CNIH3: variants seen among roughly 807,000 people sequenced by gnomAD.
CNIH3 encodes protein cornichon homolog 3.
Under a neutral mutation model 24.1 loss-of-function variants are expected in CNIH3, and 14 were observed. The ratio of observed to expected loss-of-function variants is 0.58; its 90% confidence interval spans 0.38 to 0.91. The LOEUF is 0.91. Ranked by LOEUF, CNIH3 falls within the 40% of genes least tolerant of loss-of-function variation. The pLI is 0.00. For missense variants in CNIH3, 178 were observed against 196.8 expected (o/e 0.90, Z 0.57); for synonymous variants, 68 against 73.8 (o/e 0.92, Z 0.40).
intron 1 of CNIH3, among the ~76,000 whole-genome samples, chr1:224,655,631 GT>G (rs1399514408): frequency 5.3e-5 from 8 of 152,182 alleles, no homozygotes; most frequent in African/African-American, 1.9e-4. Flanking sequence ...CCACTTGTTT[GT>G]TCTCCAACTT....
chr1:224,535,150 C>T (rs1045108950), intron 2 of CNIH3, among the ~76,000 whole-genome samples: 2 of 152,194 alleles, frequency 1.3e-5, no homozygotes, highest in African/African-American at 4.8e-5. Flanking sequence ...GTCATTAGGG[C>T]AGGCCCTAAT....
rs1682196400 is a variant in CNIH3, at chr1:224,601,255, A to G, written n.402+34991A>G. 2.0e-5 allele frequency among the ~76,000 whole-genome samples: 3 copies of G among 152,172 alleles called. No individual in the cohort carries two copies. The South Asian group carries it at 6.2e-4, about 32-fold the overall frequency. ...CTTGGGTTGGGCTGTCCGCATGCTC[A>G]GTGGCCTGCCAGCACTTGGAAGGTG... On this transcript the variant is annotated intron_variant and non_coding_transcript_variant, in intron 3 of 7. Transcript: ENST00000478120.
intron 1 of CNIH3, among the ~76,000 whole-genome samples, chr1:224,677,202 G>A (rs1012941926): frequency 1.3e-5 from 2 of 152,166 alleles, no homozygotes; most frequent in Non-Finnish European, 2.9e-5. Context: ...ATGATAAAAA[G>A]CATGTGCAGC....
chr1:224,709,747 A>G (rs1251077180), intron 3 of CNIH3, among the ~76,000 whole-genome samples: 1 of 152,302 alleles, frequency 6.6e-6, no homozygotes, highest in East Asian at 1.9e-4. Context: ...TATGGGTTGA[A>G]GCAGGAATAC....
chr1:224,488,535 A>G (rs939961812), intron 1 of CNIH3, among the ~76,000 whole-genome samples: 17 of 152,166 alleles, frequency 1.1e-4, no homozygotes, highest in African/African-American at 3.4e-4. Flanking sequence ...ATCATAGCTC[A>G]TTATAGCCTC....
chr1:224,491,138 A>C (rs889023262), intron 1 of CNIH3, among the ~76,000 whole-genome samples: 2 of 152,208 alleles, frequency 1.3e-5, no homozygotes, highest in African/African-American at 4.8e-5. Flanking sequence ...AGTCCTTCTC[A>C]GGCCATATTT....
chr1:224,516,306 C>CT lies in CNIH3; in HGVS notation n.15+431dup, dbSNP rs1313538246. On this transcript the variant is annotated intron_variant and non_coding_transcript_variant, in intron 1 of 2. Transcript: ENST00000470602. ...TCCCGCCTGGCGACAAACCGAGACTCTGTCTCAAAAAAAAAAAAAAAAAAA... is the reference window on the plus strand; with the variant it reads ...TCCCGCCTGGCGACAAACCGAGACTCTTGTCTCAAAAAAAAAAAAAAAAAAA... Among the ~76,000 whole-genome samples, 3 of 115,528 alleles carry CT rather than the reference C, an allele frequency of 2.6e-5. No homozygotes were observed. The East Asian group carries it at 7.5e-4, about 29-fold the overall frequency. 75.8% of individuals were successfully genotyped at this position (115,528 alleles called of 152,430 possible).
intron 1 of CNIH3, among the ~76,000 whole-genome samples, chr1:224,622,033 C>G (rs1683308336): frequency 6.6e-6 from 1 of 152,210 alleles, no homozygotes. Flanking sequence ...TTTGCTCCTC[C>G]TTCACCTTCT....
At chr1:224,454,092 A>G (rs1237933136) in intron 1 of CNIH3, among the ~76,000 whole-genome samples, 2 of 152,216 alleles carry the variant, frequency 1.3e-5, no homozygotes, top group Non-Finnish European at 2.9e-5. Context: ...CTGAAATAAC[A>G]GCAAAACTGC....
chr1:224,547,029 G>A, intron 3 of CNIH3: 1 of 338,002 alleles, frequency 3.0e-6, no homozygotes, highest in Non-Finnish European at 4.2e-6. Context: ...GTACCTAATG[G>A]GCCCACCTGT....
chr1:224,530,502 C>T (rs1679020189), intron 2 of CNIH3, among the ~76,000 whole-genome samples: 1 of 152,186 alleles, frequency 6.6e-6, no homozygotes, highest in African/African-American at 2.4e-5. Flanking sequence ...TTAGTATCCA[C>T]ACTTTACAGA....
chr1:224,529,000 C>G (rs1003563313), intron 2 of CNIH3, among the ~76,000 whole-genome samples: 9 of 152,206 alleles, frequency 5.9e-5, no homozygotes, highest in Admixed American at 1.3e-4. Context: ...GCTGGCATCA[C>G]TGTTTCATGG....
chr1:224,595,014 A>G (rs1185162825), intron 3 of CNIH3, among the ~76,000 whole-genome samples: 2 of 152,196 alleles, frequency 1.3e-5, no homozygotes, highest in Non-Finnish European at 2.9e-5. Context: ...CCATTTCTCC[A>G]ACATCATGTG....
chr1:224,616,119 T>A (rs1040021549), upstream of CNIH3: 2 of 156,062 alleles, frequency 1.3e-5, no homozygotes, highest in African/African-American at 4.8e-5. Flanking sequence ...GCTTCAAGTT[T>A]CCTCCGAGAG....
intron 1 of CNIH3, among the ~76,000 whole-genome samples, chr1:224,659,950 C>G (rs298739): frequency 0.59 from 89,232 of 152,092 alleles, 28,403 homozygotes; most frequent in African/African-American, 0.83. Context: ...ATCAAAACCT[C>G]TTGTGATTTT....
chr1:224,526,942 T>G (rs190487767), intron 2 of CNIH3, among the ~76,000 whole-genome samples: 1 of 152,284 alleles, frequency 6.6e-6, no homozygotes, highest in Non-Finnish European at 1.5e-5. Flanking sequence ...TCATGAGAAC[T>G]CACTCACTAT....
intron 3 of CNIH3, among the ~76,000 whole-genome samples, chr1:224,728,002 C>G (rs946209985): frequency 6.6e-6 from 1 of 152,090 alleles, no homozygotes; most frequent in South Asian, 2.1e-4. Flanking sequence ...TGGAAGGTTG[C>G]AGCCTCCACA....
At chr1:224,553,166 T>A (rs1035911003) in intron 3 of CNIH3, among the ~76,000 whole-genome samples, 9 of 149,888 alleles carry the variant, frequency 6.0e-5, no homozygotes, top group Non-Finnish European at 3.0e-5. Context: ...TAATATATCA[T>A]CTCCCTTAGA....
downstream of CNIH3, among the ~76,000 whole-genome samples, chr1:224,539,546 A>G (rs1679430728): frequency 6.6e-6 from 1 of 152,132 alleles, no homozygotes. Flanking sequence ...CTTGCTCTCC[A>G]AGATACGTGG....
Sources: allele counts gnomAD v4.1 joint callset (sites outside exome capture counted in the v4.1 genomes callset), GRCh38; gene constraint gnomAD v4.1.1; transcripts MANE v1.5; gene names NCBI Gene and HGNC (gene_info 2026-07-23, HGNC 2026-07-21).